Variants in ZRANB3 observed in about 807,000 individuals in gnomAD.
The protein encoded by ZRANB3 is DNA annealing helicase and endonuclease ZRANB3.
ZRANB3 carries 125 observed loss-of-function variants against 133.8 expected under a neutral mutation model. The ratio of observed to expected loss-of-function variants is 0.93; its 90% CI spans 0.81 to 1.08. The LOEUF is 1.08. ZRANB3 is among the 50% of genes least tolerant of loss of function. The pLI, the probability that ZRANB3 is intolerant of heterozygous loss-of-function variation, is 0.00. For synonymous variants in ZRANB3, 387 were observed against 432.7 expected, an observed-to-expected ratio of 0.89 and a Z score of 1.31; for missense variants, 1,229 against 1,275.5, an observed-to-expected ratio of 0.96 and a Z score of 0.56.
chr2:135,525,848 C>CAA (rs557386914), intron 1 of ZRANB3, among the ~76,000 whole-genome samples: 833 of 66,950 alleles, frequency 0.012, 12 homozygotes, highest in South Asian at 0.046. Flanking sequence ...AACTCTGTCT[C>CAA]AAAAAAAAAA....
At chr2:135,228,822 A>C (rs889496341) in intron 13 of ZRANB3, among the ~76,000 whole-genome samples, 1 of 152,100 alleles carries the variant, frequency 6.6e-6, no homozygotes, top group Non-Finnish European at 1.5e-5. Context: ...TGTTACTTAG[A>C]CTATGTATTT....
At chr2:135,235,095 T>C (rs1193450463) in intron 12 of ZRANB3, among the ~76,000 whole-genome samples, 2 of 151,984 alleles carry the variant, frequency 1.3e-5, no homozygotes, top group East Asian at 1.9e-4. Context: ...TAAAAAATGA[T>C]AAAGGGGATA....
intron 2 of ZRANB3, among the ~76,000 whole-genome samples, chr2:135,464,025 A>T (rs1690878571): frequency 1.3e-5 from 2 of 152,170 alleles, no homozygotes; most frequent in Admixed American, 1.3e-4. Flanking sequence ...AGGGAGTGAA[A>T]AGAACAACAA....
intron 15 of ZRANB3, among the ~76,000 whole-genome samples, chr2:135,221,396 C>T (rs1262800406): frequency 1.3e-5 from 2 of 152,036 alleles, no homozygotes; most frequent in South Asian, 2.1e-4. Flanking sequence ...AGCCTGAATA[C>T]GGGTCAGTGA....
At chr2:135,313,460 C>A (rs1179536450) in intron 8 of ZRANB3, 29 bp downstream of exon 8, 6 of 1,420,764 alleles carry the variant, frequency 4.2e-6, no homozygotes, top group Admixed American at 1.8e-5. Flanking sequence ...TGTATGAAGA[C>A]AAATACATGA....
intron 2 of ZRANB3, among the ~76,000 whole-genome samples, chr2:135,440,963 G>A (rs539833722): frequency 1.3e-5 from 2 of 152,098 alleles, no homozygotes; most frequent in East Asian, 3.9e-4. Flanking sequence ...AAAAATGAAT[G>A]AAGCCTCAGA....
At chr2:135,261,257 C>T (rs1184702204) in intron 12 of ZRANB3, among the ~76,000 whole-genome samples, 1 of 152,096 alleles carries the variant, frequency 6.6e-6, no homozygotes, top group Non-Finnish European at 1.5e-5. Context: ...TGCTGAAATT[C>T]TGGCAATGTT....
At chr2:135,506,656 T>C (rs1036440834) in intron 1 of ZRANB3, among the ~76,000 whole-genome samples, 1 of 152,226 alleles carries the variant, frequency 6.6e-6, no homozygotes, top group Non-Finnish European at 1.5e-5. Context: ...CTGGTAGCTA[T>C]GATATTTAAT....
At chr2:135,292,020 A>C (rs568551936) in intron 8 of ZRANB3, among the ~76,000 whole-genome samples, 2 of 152,208 alleles carry the variant, frequency 1.3e-5, no homozygotes, top group Non-Finnish European at 2.9e-5. Flanking sequence ...GTTGGTTCCA[A>C]GTCTTTGCTA....
rs138472086 is a variant in ZRANB3 at position 135,468,012 on chromosome 2, C to A, written c.161+36317G>T. Among the ~76,000 whole-genome samples, 346 of 152,226 alleles carry A rather than the reference C, an allele frequency of 2.3e-3. 2 individuals carry two copies. The highest frequency in any genetic ancestry group is 3.7e-3 in the Non-Finnish European group (253 of 68,012). On this transcript the variant is annotated intron_variant, in intron 2 of 20. Coordinates refer to ENST00000264159, the MANE Select transcript of ZRANB3 (RefSeq NM_032143.4). ...TATATTTTAGAAAACACATAGTTAC[C>A]TTTTCTTTATAAAGTTGGTAGATAA...
At chr2:135,375,363 A>C (rs531717364) in intron 3 of ZRANB3, among the ~76,000 whole-genome samples, 1 of 151,588 alleles carries the variant, frequency 6.6e-6, no homozygotes, top group African/African-American at 2.4e-5. Flanking sequence ...GACCAGCCTG[A>C]CCAACATGGG....
rs1160455447 is a variant in ZRANB3, at chr2:135,342,635, A to T, written c.677+2915T>A. On this transcript the variant is annotated intron_variant, in intron 6 of 20. Transcript: ENST00000264159. ...TTTTTCTTTTTTTTTAAGTAAAAAA[A>T]TTTTTTCCTGACAAAATTAGCCTCA... Among the ~76,000 whole-genome samples the T allele has an allele frequency of 8.1e-5, 12 of 148,356 alleles. 3 individuals carry two copies. Among genetic ancestry groups the T allele is most frequent in the African/African-American group, 2.6e-4 (10 of 38,284 alleles).
chr2:135,212,657 A>G (rs1478193274), intron 17 of ZRANB3, among the ~76,000 whole-genome samples: 1 of 152,178 alleles, frequency 6.6e-6, no homozygotes, highest in East Asian at 1.9e-4. Flanking sequence ...AAGTTCACCA[A>G]CTCCCAAAAG....
intron 8 of ZRANB3, among the ~76,000 whole-genome samples, chr2:135,297,391 A>G (rs913849686): frequency 4.6e-5 from 7 of 152,274 alleles, no homozygotes; most frequent in Middle Eastern, 3.4e-3. Context: ...GCGGGATATA[A>G]TCTCCTAGTG....
At chr2:135,214,099 G>A (rs1694210217) in intron 17 of ZRANB3, among the ~76,000 whole-genome samples, 1 of 152,178 alleles carries the variant, frequency 6.6e-6, no homozygotes, top group Admixed American at 6.5e-5. Flanking sequence ...AGCCCAGCCA[G>A]CCAACACTTT....
intron 2 of ZRANB3, among the ~76,000 whole-genome samples, chr2:135,472,046 CCT>C (rs1433210477): frequency 6.6e-6 from 1 of 152,132 alleles, no homozygotes; most frequent in East Asian, 1.9e-4. Context: ...GAAATTCTTC[CCT>C]GAGAGACTTG....
At chr2:135,251,765 G>A (rs1679409103) in intron 12 of ZRANB3, among the ~76,000 whole-genome samples, 1 of 152,146 alleles carries the variant, frequency 6.6e-6, no homozygotes, top group African/African-American at 2.4e-5. Flanking sequence ...CGCTGGGCAT[G>A]GTGGCTCACA....
intron 3 of ZRANB3, among the ~76,000 whole-genome samples, chr2:135,376,159 T>C (rs565858541): frequency 1.2e-4 from 18 of 152,250 alleles, no homozygotes; most frequent in African/African-American, 4.1e-4. Context: ...CACTGGCAAG[T>C]AGGACAAAGG....
chr2:135,499,235 C>T (rs1165420997), intron 2 of ZRANB3, among the ~76,000 whole-genome samples: 1 of 152,050 alleles, frequency 6.6e-6, no homozygotes, highest in Non-Finnish European at 1.5e-5. Context: ...AGAAAAGGAC[C>T]CATGTTGAAT....
Sources: gnomAD v4.1 joint callset for allele counts (sites outside exome capture counted in the v4.1 genomes callset) on GRCh38, gnomAD v4.1.1 for gene constraint, MANE v1.5 for transcripts, NCBI Gene and HGNC (gene_info 2026-07-23, HGNC 2026-07-21) for gene names.